The following DIAPH3 variants were observed in gnomAD, a reference collection of about 807,000 sequenced individuals.
DIAPH3 encodes the protein protein diaphanous homolog 3.
DIAPH3 carries 117 observed loss-of-function variants against 144.3 expected under a neutral mutation model. That is an observed-to-expected ratio of 0.81 (90% CI 0.70 to 0.95). DIAPH3 has a LOEUF of 0.95. DIAPH3 is among the 40% of genes least tolerant of loss of function. The pLI, the probability that DIAPH3 is intolerant of heterozygous loss-of-function variation, is 0.00. For missense variants in DIAPH3, 1,421 were observed against 1,412.7 expected, an observed-to-expected ratio of 1.01 and a Z score of -0.09; for synonymous variants, 519 against 488.9, an observed-to-expected ratio of 1.06 and a Z score of -0.81.
At chr13:60,086,110 G>A (rs184959749) in intron 4 of DIAPH3, among the ~76,000 whole-genome samples, 6 of 152,052 alleles carry the variant, frequency 3.9e-5, no homozygotes, top group African/African-American at 1.2e-4. Flanking sequence ...CTACCTATAC[G>A]ATTTTTAAAA....
chr13:59,733,856 T>C (rs2036009250), intron 27 of DIAPH3, among the ~76,000 whole-genome samples: 1 of 152,180 alleles, frequency 6.6e-6, no homozygotes, highest in Non-Finnish European at 1.5e-5. Context: ...CTCAAAGAAG[T>C]GAATACCAAC....
At chr13:60,108,887 G>A (rs143587764) in intron 3 of DIAPH3, among the ~76,000 whole-genome samples, 111 of 152,222 alleles carry the variant, frequency 7.3e-4, no homozygotes, top group African/African-American at 2.6e-3. Flanking sequence ...GTGGGTGTGT[G>A]TGTTGGGGGG....
At chr13:59,995,849 C>T (rs1267265224) in intron 9 of DIAPH3, among the ~76,000 whole-genome samples, 1 of 151,762 alleles carries the variant, frequency 6.6e-6, no homozygotes, top group Non-Finnish European at 1.5e-5. Context: ...AGCAATAATA[C>T]GTAAAAACCA....
chr13:59,797,368 T>C (rs2039668238), intron 25 of DIAPH3, among the ~76,000 whole-genome samples: 1 of 152,214 alleles, frequency 6.6e-6, no homozygotes, highest in Admixed American at 6.5e-5. Context: ...AATAAATATT[T>C]GCTGAAAGAA....
At position 59,666,818 on chromosome 13, in the gene DIAPH3, C is replaced by T. The variant is rs908158141; in HGVS notation, c.3348G>A (p.Gly1116=). ...AATTGATATTGTAGTGTGAACGTGA[C>T]CCTTCTGTCAACTGCACTTTCTGAT... is the stretch of plus-strand genomic sequence containing the variant. ...HENQKVQLTE[G]SRSHYNINCN... The change falls in exon 28 of 28, where the codon GGG becomes GGA. Residue 1116 remains glycine (G), a synonymous_variant. Coordinates refer to ENST00000400324, the MANE Select transcript of DIAPH3 (RefSeq NM_001042517.2). 1.3e-5 allele frequency: 21 copies of T among 1,613,900 alleles called. No individual in the cohort carries two copies. Among genetic ancestry groups the T allele is most frequent in the Non-Finnish European group, 1.6e-5 (19 of 1,179,992 alleles).
At chr13:60,146,898 G>A (rs1228078328) in intron 1 of DIAPH3, among the ~76,000 whole-genome samples, 1 of 152,142 alleles carries the variant, frequency 6.6e-6, no homozygotes, top group East Asian at 1.9e-4. Context: ...AAATTACTAA[G>A]GACTGCAGAT....
chr13:60,116,187 A>C (rs945318664), intron 2 of DIAPH3, among the ~76,000 whole-genome samples: 3 of 152,242 alleles, frequency 2.0e-5, no homozygotes, highest in Middle Eastern at 3.4e-3. Flanking sequence ...ATGAGCTATA[A>C]GACTTACCTT....
intron 27 of DIAPH3, among the ~76,000 whole-genome samples, chr13:59,698,486 C>A (rs2033934319): frequency 6.6e-6 from 1 of 152,132 alleles, no homozygotes; most frequent in African/African-American, 2.4e-5. Context: ...AAAATCAGAG[C>A]TACCAAACAC....
At chr13:59,897,189 C>T (rs1198385134) in intron 20 of DIAPH3, among the ~76,000 whole-genome samples, 1 of 152,090 alleles carries the variant, frequency 6.6e-6, no homozygotes, top group Non-Finnish European at 1.5e-5. Flanking sequence ...AGGGAGGAGT[C>T]AGACATTAGA....
chr13:59,666,955 T>C, intron 27 of DIAPH3, 109 bp from the exon 28 acceptor site: 1 of 1,262,984 alleles, frequency 7.9e-7, no homozygotes, highest in Non-Finnish European at 1.1e-6. Context: ...AGTAGTCTTC[T>C]TAGATAGACT....
chr13:60,035,497 T>C (rs2055145878), intron 5 of DIAPH3, among the ~76,000 whole-genome samples: 1 of 152,208 alleles, frequency 6.6e-6, no homozygotes, highest in Non-Finnish European at 1.5e-5. Flanking sequence ...TTTGAAAATG[T>C]AAAGTTAGTA....
At chr13:59,670,621 C>A (rs1157261401) in intron 27 of DIAPH3, among the ~76,000 whole-genome samples, 2 of 145,896 alleles carry the variant, frequency 1.4e-5, no homozygotes, top group Non-Finnish European at 3.0e-5. Flanking sequence ...CTTGCTCTGT[C>A]GCCCAGGCTG....
rs77778837 is a variant in DIAPH3 at position 60,125,646 on chromosome 13, G to C, written c.213+7311C>G. On this transcript the variant is annotated intron_variant, in intron 2 of 27. Transcript: ENST00000400324. ...ACGCTAATGAGAGATGCATTATCAA[G>C]TTAGAGAGGCAGGGTCCTGTCATGA... is the stretch of plus-strand genomic sequence containing the variant. Among the ~76,000 whole-genome samples the C allele has an allele frequency of 3.3e-3, 504 of 152,174 alleles. 1 individual carries two copies. Among genetic ancestry groups the C allele is most frequent in the African/African-American group, 0.012 (480 of 41,520 alleles).
chr13:59,695,218 CA>C (rs1397762847), intron 27 of DIAPH3: 1 of 152,176 alleles, frequency 6.6e-6, no homozygotes, highest in Non-Finnish European at 1.5e-5. Flanking sequence ...AAAAGGGAGA[CA>C]GTCTAATATT....
intron 17 of DIAPH3, among the ~76,000 whole-genome samples, chr13:59,946,272 GC>G (rs1477458879): frequency 6.6e-6 from 1 of 151,886 alleles, no homozygotes; most frequent in Admixed American, 6.6e-5. Flanking sequence ...TGTCCTTTCA[GC>G]TAAAATGGTT....
At chr13:59,675,797 G>A (rs928538505) in intron 27 of DIAPH3, among the ~76,000 whole-genome samples, 5 of 152,302 alleles carry the variant, frequency 3.3e-5, no homozygotes, top group Middle Eastern at 3.4e-3. Flanking sequence ...TGGCCCTCAT[G>A]GTTCTGGGGG....
intron 22 of DIAPH3, among the ~76,000 whole-genome samples, chr13:59,845,333 C>G (rs997587688): frequency 3.9e-5 from 6 of 152,106 alleles, no homozygotes; most frequent in Non-Finnish European, 5.9e-5. Flanking sequence ...TGAGCCACCG[C>G]GCCTGGCTGA....
At chr13:59,788,787 CCTTT>C (rs1242421212) in intron 25 of DIAPH3, among the ~76,000 whole-genome samples, 2 of 152,102 alleles carry the variant, frequency 1.3e-5, no homozygotes, top group African/African-American at 4.8e-5. Flanking sequence ...CGAATGAAGA[CCTTT>C]CTATGACCAC....
chr13:59,762,285 C>T (rs2037641542), intron 27 of DIAPH3, among the ~76,000 whole-genome samples: 1 of 152,054 alleles, frequency 6.6e-6, no homozygotes, highest in African/African-American at 2.4e-5. Context: ...TGGTCTCGAT[C>T]TCCTGACATT....
Sources: gnomAD v4.1 joint callset for allele counts (sites outside exome capture counted in the v4.1 genomes callset) on GRCh38, gnomAD v4.1.1 for gene constraint, MANE v1.5 for transcripts, NCBI Gene and HGNC (gene_info 2026-07-23, HGNC 2026-07-21) for gene names.